The following DTHD1 variants were observed in gnomAD, a reference collection of about 807,000 sequenced individuals.
The protein encoded by DTHD1 is death domain-containing protein 1.
DTHD1 carries 59 observed loss-of-function variants against 74.8 expected under a neutral mutation model. The observed-to-expected ratio is 0.79, with a 90% CI of 0.64 to 0.98. The LOEUF (loss-of-function observed/expected upper bound fraction) is 0.98, where lower values mean the gene tolerates loss of function less well. Ranked by LOEUF, DTHD1 falls within the 50% of genes least tolerant of loss-of-function variation. DTHD1 has a pLI of 0.00. For synonymous variants in DTHD1, 365 were observed against 371.1 expected (o/e 0.98, Z 0.19); for missense variants, 1,051 against 1,065.4 (o/e 0.99, Z 0.19).
chr4:36,307,672 G>A (rs867277507), intron 6 of DTHD1, among the ~76,000 whole-genome samples: 1 of 151,916 alleles, frequency 6.6e-6, no homozygotes, highest in African/African-American at 2.4e-5. Context: ...ATTTAATTAT[G>A]GTATACATTC....
intron 3 of DTHD1, among the ~76,000 whole-genome samples, chr4:36,291,442 T>C (rs1269105356): frequency 6.6e-6 from 1 of 152,238 alleles, no homozygotes; most frequent in African/African-American, 2.4e-5. Context: ...TAATAAATTA[T>C]CATTTTCATG....
At chr4:36,308,168 T>C (rs1757165968) in intron 6 of DTHD1, 36 bp from the exon 7 acceptor site, 1 of 1,534,388 alleles carries the variant, frequency 6.5e-7, no homozygotes, top group African/African-American at 1.4e-5. Context: ...TGACACTGCA[T>C]TTTTCCCTGG....
chr4:36,340,334 C>A (rs569346502), intron 9 of DTHD1, among the ~76,000 whole-genome samples: 2 of 152,292 alleles, frequency 1.3e-5, no homozygotes, highest in South Asian at 4.1e-4. Flanking sequence ...CCAAAACTGA[C>A]AGCAGGGATA....
At chr4:36,309,410 G>A (rs1757253024) in intron 7 of DTHD1, among the ~76,000 whole-genome samples, 3 of 152,236 alleles carry the variant, frequency 2.0e-5, no homozygotes, top group Admixed American at 6.5e-5. Flanking sequence ...AGTGAGCCGA[G>A]ATCGCAGGTT....
At chr4:36,320,406 C>T (rs1355020708) in intron 8 of DTHD1, among the ~76,000 whole-genome samples, 1 of 152,190 alleles carries the variant, frequency 6.6e-6, no homozygotes, top group African/African-American at 2.4e-5. Context: ...ACAAGATAAT[C>T]TCTGCAAACC....
At chr4:36,302,616 C>G (rs183957022) in intron 5 of DTHD1, among the ~76,000 whole-genome samples, 59 of 152,212 alleles carry the variant, frequency 3.9e-4, no homozygotes, top group Admixed American at 3.8e-3. Context: ...AATATTTCAC[C>G]ACTTTAAAGA....
chr4:36,316,030 G>A (rs1284607950), intron 7 of DTHD1, among the ~76,000 whole-genome samples: 3 of 152,246 alleles, frequency 2.0e-5, no homozygotes, highest in East Asian at 1.9e-4. Flanking sequence ...CCGCCTCCTG[G>A]GTTCACGCCA....
At chr4:36,327,233 C>A (rs558306954) in intron 8 of DTHD1, among the ~76,000 whole-genome samples, 1 of 152,092 alleles carries the variant, frequency 6.6e-6, no homozygotes, top group South Asian at 2.1e-4. Context: ...TCCCAAAATG[C>A]GGGGATTACA....
intron 8 of DTHD1, 30 bp downstream of exon 8, chr4:36,316,516 A>G (rs1313614093): frequency 6.6e-7 from 1 of 1,521,660 alleles, no homozygotes; most frequent in Non-Finnish European, 8.8e-7. Context: ...TAATTACTAC[A>G]TTTTGTTAAT....
chr4:36,319,972 G>C lies in DTHD1; in HGVS notation c.2340+3486G>C, dbSNP rs537404116. Among the ~76,000 whole-genome samples the C allele has an allele frequency of 2.0e-5, 3 of 152,246 alleles. 1 individual carries two copies. The South Asian group carries it at 6.2e-4, about 32-fold the overall frequency. ...GGAAGCCTTCCCTCACTCCTCCTTTGTACCAGGTTAAGTGTTCCTGGTATA... is the reference window on the plus strand; with the variant it reads ...GGAAGCCTTCCCTCACTCCTCCTTTCTACCAGGTTAAGTGTTCCTGGTATA... On this transcript the variant is annotated intron_variant, in intron 8 of 9. Transcript: ENST00000639862.
At chr4:36,332,815 T>A (rs959303814) in intron 8 of DTHD1, 17 of 152,128 alleles carry the variant, frequency 1.1e-4, no homozygotes, top group African/African-American at 4.1e-4. Flanking sequence ...ATTTTTTTAA[T>A]TTTCTTTTTT....
chr4:36,298,375 A>G (rs190232449), intron 5 of DTHD1, among the ~76,000 whole-genome samples: 111 of 152,338 alleles, frequency 7.3e-4, no homozygotes, highest in African/African-American at 2.5e-3. Context: ...TGTAAATTGT[A>G]TTGCAAATTC....
chr4:36,287,316 C>T (rs1049961028), intron 2 of DTHD1, among the ~76,000 whole-genome samples: 2 of 152,182 alleles, frequency 1.3e-5, no homozygotes, highest in Admixed American at 6.5e-5. Context: ...TTTCATTCCT[C>T]TTTATGGCTG....
chr4:36,286,600 G>T (rs766166678), intron 2 of DTHD1, among the ~76,000 whole-genome samples: 2 of 152,178 alleles, frequency 1.3e-5, no homozygotes, highest in African/African-American at 4.8e-5. Flanking sequence ...TACAGTCATC[G>T]GTTACTTAAT....
At chr4:36,286,857 T>C (rs1463130453) in intron 2 of DTHD1, among the ~76,000 whole-genome samples, 2 of 152,242 alleles carry the variant, frequency 1.3e-5, no homozygotes, top group Non-Finnish European at 2.9e-5. Context: ...GGTACAGCAA[T>C]AATACAGTAT....
Position 36,284,534 on chromosome 4 carries a change from G to A in DTHD1, c.830G>A (p.Ser277Asn), listed in dbSNP as rs767273674. ...GATATCTCCAAGAAATATATAAATA[G>A]TACTCTTCCCAATGATTCAGAGAAT... ...ICDISKKYIN[S>N]TLPNDSENIK... The change falls in exon 2 of 10, where the codon AGT becomes AAT. Residue 277 changes from serine (S) to asparagine (N), a missense_variant. Physicochemically the swap from Ser to Asn is conservative, Grantham distance 46 (BLOSUM62 1). Coordinates refer to ENST00000639862, the MANE Select transcript of DTHD1 (RefSeq NM_001170700.3). The A allele has an allele frequency of 1.3e-6, 2 of 1,532,594 alleles. No homozygotes were observed. The highest frequency in any genetic ancestry group is 4.9e-5 in the East Asian group (2 of 40,872). The allele number at this position is 1,532,594 out of a possible 1,614,324, so 94.9% of individuals were successfully genotyped here.
intron 8 of DTHD1, among the ~76,000 whole-genome samples, chr4:36,328,398 C>T (rs767405157): frequency 1.9e-4 from 29 of 152,184 alleles, no homozygotes; most frequent in Middle Eastern, 6.8e-3. Context: ...AGAAAGTTCA[C>T]GAAGACAACA....
At chr4:36,336,004 A>G (rs1318336039) in intron 8 of DTHD1, among the ~76,000 whole-genome samples, 1 of 152,206 alleles carries the variant, frequency 6.6e-6, no homozygotes, top group Non-Finnish European at 1.5e-5. Context: ...TAAGGCTTGC[A>G]TTGTGCTTAA....
chr4:36,326,082 C>A (rs139895225), intron 8 of DTHD1, among the ~76,000 whole-genome samples: 1,909 of 152,192 alleles, frequency 0.013, 23 homozygotes, highest in South Asian at 0.046. Context: ...CCCCAACTAA[C>A]ATATTTTGCT....
Sources: gnomAD v4.1 joint callset for allele counts (sites outside exome capture counted in the v4.1 genomes callset) on GRCh38, gnomAD v4.1.1 for gene constraint, MANE v1.5 for transcripts, NCBI Gene and HGNC (gene_info 2026-07-23, HGNC 2026-07-21) for gene names.